The following RHOJ variants were observed in gnomAD, a reference collection of about 807,000 sequenced individuals.
RHOJ encodes the protein ras homolog family member J, also known as rho-related GTP-binding protein RhoJ.
RHOJ carries 11 observed loss-of-function variants against 23.4 expected under a neutral mutation model. The observed-to-expected ratio is 0.47, with a 90% confidence interval of 0.30 to 0.78. RHOJ has a LOEUF of 0.78. Ranked by LOEUF, RHOJ falls within the 30% of genes least tolerant of loss-of-function variation. RHOJ has a pLI of 0.08. For synonymous variants in RHOJ, 102 were observed against 102.7 expected (o/e 0.99, Z 0.04); for missense variants, 254 against 273.4 (o/e 0.93, Z 0.50).
intron 1 of RHOJ, among the ~76,000 whole-genome samples, chr14:63,235,134 A>G (rs1440019011): frequency 6.6e-6 from 1 of 151,900 alleles, no homozygotes; most frequent in Non-Finnish European, 1.5e-5. Context: ...GGGACTCTAA[A>G]TTATCAAAAG....
chr14:63,259,395 G>T (rs1425997169), intron 1 of RHOJ, among the ~76,000 whole-genome samples: 3 of 152,180 alleles, frequency 2.0e-5, no homozygotes, highest in Non-Finnish European at 2.9e-5. Context: ...GGTTCTGAAA[G>T]GAGTCAACAT....
intron 1 of RHOJ, among the ~76,000 whole-genome samples, chr14:63,264,070 G>A (rs1365474042): frequency 6.6e-6 from 1 of 151,990 alleles, no homozygotes; most frequent in African/African-American, 2.4e-5. Flanking sequence ...TGACACTGAG[G>A]TTTGGGGTGT....
At chr14:63,283,052 T>C in intron 3 of RHOJ, 69 bp from the exon 4 acceptor site, 1 of 1,230,014 alleles carries the variant, frequency 8.1e-7, no homozygotes, top group South Asian at 1.2e-5. Flanking sequence ...GACTCTATGA[T>C]GTCACAGTTT....
intron 1 of RHOJ, among the ~76,000 whole-genome samples, chr14:63,267,761 C>A (rs201712525): frequency 7.6e-6 from 1 of 132,356 alleles, no homozygotes; most frequent in Non-Finnish European, 1.7e-5. Flanking sequence ...GCATGGTAAC[C>A]GGGGTGGACG....
At chr14:63,256,297 TA>T (rs1324662634) in intron 1 of RHOJ, among the ~76,000 whole-genome samples, 6 of 152,192 alleles carry the variant, frequency 3.9e-5, no homozygotes, top group Non-Finnish European at 8.8e-5. Flanking sequence ...TCTCTGTGAC[TA>T]AAAATATTCT....
At chr14:63,251,229 C>A (rs973106167) in intron 1 of RHOJ, among the ~76,000 whole-genome samples, 1 of 152,126 alleles carries the variant, frequency 6.6e-6, no homozygotes, top group Non-Finnish European at 1.5e-5. Context: ...CCCATGGATG[C>A]CCTAGCACCC....
chr14:63,290,743 C>T, intron 4 of RHOJ, 135 bp from the exon 5 acceptor site: 1 of 432,442 alleles, frequency 2.3e-6, no homozygotes, highest in Non-Finnish European at 3.6e-6. Flanking sequence ...AAAAAAAAGA[C>T]AAACATAATC....
At chr14:63,226,750 T>C (rs1894602035) in intron 1 of RHOJ, among the ~76,000 whole-genome samples, 1 of 151,938 alleles carries the variant, frequency 6.6e-6, no homozygotes, top group Non-Finnish European at 1.5e-5. Context: ...TTGGAAAATT[T>C]TTGCTAGGAT....
chr14:63,232,481 G>A (rs1238708918), intron 1 of RHOJ, among the ~76,000 whole-genome samples: 1 of 152,104 alleles, frequency 6.6e-6, no homozygotes, highest in African/African-American at 2.4e-5. Flanking sequence ...TGTTTAGCAA[G>A]TTGGCCAGAA....
At chr14:63,209,529 T>C (rs1185002435) in intron 1 of RHOJ, among the ~76,000 whole-genome samples, 1 of 152,214 alleles carries the variant, frequency 6.6e-6, no homozygotes, top group Non-Finnish European at 1.5e-5. Context: ...CATTATTTAA[T>C]GCATGTGTGC....
chr14:63,236,247 A>G (rs1594759727), intron 1 of RHOJ, among the ~76,000 whole-genome samples: 1 of 152,298 alleles, frequency 6.6e-6, no homozygotes, highest in Admixed American at 6.5e-5. Context: ...CCTGCTGTGT[A>G]AGCCAGCTAT....
chr14:63,224,113 G>A (rs533278252), intron 1 of RHOJ, among the ~76,000 whole-genome samples: 42 of 152,144 alleles, frequency 2.8e-4, no homozygotes, highest in Non-Finnish European at 4.1e-4. Flanking sequence ...GTGCTGGAAA[G>A]CACCTAAGAA....
intron 1 of RHOJ, among the ~76,000 whole-genome samples, chr14:63,244,535 G>A (rs560434806): frequency 5.3e-5 from 8 of 152,220 alleles, no homozygotes; most frequent in East Asian, 3.9e-4. Context: ...CCGAGATCAC[G>A]CCATTGCACT....
At chr14:63,228,470 A>G (rs1894634450) in intron 1 of RHOJ, among the ~76,000 whole-genome samples, 1 of 152,258 alleles carries the variant, frequency 6.6e-6, no homozygotes, top group African/African-American at 2.4e-5. Flanking sequence ...GACTGATTCC[A>G]TAAAGGATGA....
chr14:63,271,380 C>A (rs912685393), intron 2 of RHOJ, among the ~76,000 whole-genome samples: 3 of 152,126 alleles, frequency 2.0e-5, no homozygotes, highest in Non-Finnish European at 2.9e-5. Context: ...CCATGGGAGA[C>A]CTTTCAGCTG....
At chr14:63,263,116 A>T (rs1895301726) in intron 1 of RHOJ, among the ~76,000 whole-genome samples, 3 of 152,128 alleles carry the variant, frequency 2.0e-5, no homozygotes, top group Admixed American at 1.3e-4. Context: ...TTGGTAGGTG[A>T]TGTTATCCCC....
At chr14:63,247,469 A>T (rs537126777) in intron 1 of RHOJ, among the ~76,000 whole-genome samples, 37 of 152,314 alleles carry the variant, frequency 2.4e-4, no homozygotes, top group African/African-American at 6.0e-4. Context: ...GGTGAAAAAA[A>T]ATATACAGAA....
intron 1 of RHOJ, among the ~76,000 whole-genome samples, chr14:63,263,130 T>C (rs1049895032): frequency 1.8e-4 from 27 of 152,224 alleles, no homozygotes; most frequent in African/African-American, 6.3e-4. Context: ...TATCCCCCAT[T>C]TTTAATAGAT....
At chr14:63,275,533 A>C (rs187155654) in intron 2 of RHOJ, among the ~76,000 whole-genome samples, 57 of 152,268 alleles carry the variant, frequency 3.7e-4, no homozygotes, top group African/African-American at 1.3e-3. Flanking sequence ...CCAGAGCACC[A>C]GATCTGCCTT....
Sources: gnomAD v4.1 joint callset for allele counts (sites outside exome capture counted in the v4.1 genomes callset) on GRCh38, gnomAD v4.1.1 for gene constraint, MANE v1.5 for transcripts, NCBI Gene and HGNC (gene_info 2026-07-23, HGNC 2026-07-21) for gene names.